DNER: variants seen among roughly 807,000 people sequenced by gnomAD.
DNER encodes the protein delta/notch like EGF repeat containing.
DNER carries 33 observed loss-of-function variants against 78.2 expected under a neutral mutation model. That is an observed-to-expected ratio of 0.42 (90% confidence interval 0.32 to 0.56). The LOEUF (loss-of-function observed/expected upper bound fraction) is 0.56, where lower values mean the gene tolerates loss of function less well. Ranked by LOEUF, DNER falls within the 20% of genes least tolerant of loss-of-function variation. DNER has a pLI of 0.11. For synonymous variants in DNER, 417 were observed against 384.8 expected (o/e 1.08, Z -0.98); for missense variants, 918 against 975.3 (o/e 0.94, Z 0.78).
chr2:229,383,393 A>G lies in DNER; in HGVS notation c.1855+4872T>C, dbSNP rs188799820. 6.1e-3 allele frequency among the ~76,000 whole-genome samples: 922 copies of G among 152,342 alleles called. 7 individuals carry two copies. The highest frequency in any genetic ancestry group is 0.051 in the Middle Eastern group (15 of 294). On this transcript the variant is annotated intron_variant, in intron 11 of 12. Transcript: ENST00000341772. ...AACCAGCTAGCATCATAATGACAGGAGCAAATTCAAACATAACAATACTAA... is the reference window on the plus strand; with the variant it reads ...AACCAGCTAGCATCATAATGACAGGGGCAAATTCAAACATAACAATACTAA...
Position 229,671,286 on chromosome 2 carries a change from C to T in DNER, c.276+42862G>A, listed in dbSNP as rs1699202330. ...AAGTCTACTAGGCGCCAGCCATACTCGGCTTTCCCTTGGACACCTGAATAT... is the reference window on the plus strand; with the variant it reads ...AAGTCTACTAGGCGCCAGCCATACTTGGCTTTCCCTTGGACACCTGAATAT... On this transcript the variant is annotated intron_variant, in intron 1 of 12. Transcript: ENST00000341772. Among the ~76,000 whole-genome samples, 3 of 152,192 alleles carry T rather than the reference C, an allele frequency of 2.0e-5. No homozygotes were observed. The South Asian group carries it at 6.2e-4, about 32-fold the overall frequency.
At chr2:229,563,384 C>G (rs1053995622) in intron 4 of DNER, among the ~76,000 whole-genome samples, 4 of 147,184 alleles carry the variant, frequency 2.7e-5, no homozygotes, top group Admixed American at 6.8e-5. Flanking sequence ...CATCCTCACC[C>G]CATCACCATC....
rs778391300 is a variant in DNER at position 229,367,064 on chromosome 2, G to A, written c.1911C>T (p.His637=). 6.2e-7 allele frequency: 1 copy of A among 1,614,150 alleles called. No individual in the cohort carries two copies. Among genetic ancestry groups the A allele is most frequent in the Non-Finnish European group, 8.5e-7 (1 of 1,180,014 alleles). Residue 637 remains histidine (H), a synonymous_variant, in exon 12 of 13, where the codon CAC becomes CAT. Transcript: ENST00000341772. The part of the protein sequence containing the change: ...MAESLTNMPR[H]SLYIIIGALC... ...GGGCTCCAATGATGATGTAGAGGGA[G>A]TGCCGTGGCATGTTGGTGAGGCTCT...
intron 5 of DNER, among the ~76,000 whole-genome samples, chr2:229,514,383 A>C (rs1395302723): frequency 1.3e-5 from 2 of 152,198 alleles, no homozygotes; most frequent in African/African-American, 4.8e-5. Flanking sequence ...TCTCAAGGTT[A>C]CATTGGCAGC....
chr2:229,622,782 T>C (rs915091346), intron 1 of DNER, among the ~76,000 whole-genome samples: 1 of 152,016 alleles, frequency 6.6e-6, no homozygotes, highest in Non-Finnish European at 1.5e-5. Flanking sequence ...AAGGGAGTGA[T>C]CCATCCATGA....
chr2:229,656,697 C>A (rs1293010125), intron 1 of DNER, among the ~76,000 whole-genome samples: 3 of 152,208 alleles, frequency 2.0e-5, no homozygotes, highest in Non-Finnish European at 4.4e-5. Flanking sequence ...CACTCTCACA[C>A]CTAGACACTT....
At chr2:229,458,536 A>T (rs1457948177) in intron 7 of DNER, among the ~76,000 whole-genome samples, 15 of 152,042 alleles carry the variant, frequency 9.9e-5, no homozygotes, top group Admixed American at 9.8e-4. Flanking sequence ...ATACAGAAAA[A>T]TTATTTGGCA....
chr2:229,556,074 ATTAGTT>A (rs1190319695), intron 4 of DNER, among the ~76,000 whole-genome samples: 5 of 152,242 alleles, frequency 3.3e-5, no homozygotes, highest in African/African-American at 4.8e-5. Context: ...TCTTCCAATG[ATTAGTT>A]TTAAAGTCCT....
chr2:229,655,269 T>C (rs980148860), intron 1 of DNER, among the ~76,000 whole-genome samples: 2 of 151,828 alleles, frequency 1.3e-5, no homozygotes, highest in African/African-American at 2.4e-5. Flanking sequence ...ACAAAAATAA[T>C]TTTTAAGTTA....
At chr2:229,493,152 T>C (rs1306874512) in intron 6 of DNER, among the ~76,000 whole-genome samples, 1 of 152,020 alleles carries the variant, frequency 6.6e-6, no homozygotes, top group Non-Finnish European at 1.5e-5. Flanking sequence ...AAAGAGTAAA[T>C]GTGGGAAGGG....
chr2:229,372,279 C>T (rs562092223), intron 11 of DNER, among the ~76,000 whole-genome samples: 21 of 152,380 alleles, frequency 1.4e-4, no homozygotes, highest in African/African-American at 4.8e-4. Flanking sequence ...GCTATGTCTA[C>T]AAGGGACGAG....
At chr2:229,419,491 A>G (rs1169308865) in intron 8 of DNER, among the ~76,000 whole-genome samples, 1 of 152,218 alleles carries the variant, frequency 6.6e-6, no homozygotes, top group Non-Finnish European at 1.5e-5. Flanking sequence ...GCTCACAACC[A>G]ACTCTCAAAC....
At chr2:229,655,912 A>T (rs975101705) in intron 1 of DNER, among the ~76,000 whole-genome samples, 1 of 152,130 alleles carries the variant, frequency 6.6e-6, no homozygotes, top group Non-Finnish European at 1.5e-5. Context: ...AGATGAAGGC[A>T]GGCATTCACG....
intron 3 of DNER, among the ~76,000 whole-genome samples, chr2:229,586,313 C>T (rs114377156): frequency 0.016 from 2,381 of 151,788 alleles, 67 homozygotes; most frequent in African/African-American, 0.055. Context: ...CATAGCCACA[C>T]AATATAAAAA....
intron 10 of DNER, among the ~76,000 whole-genome samples, chr2:229,399,588 GA>G (rs1159746593): frequency 6.6e-6 from 1 of 151,170 alleles, no homozygotes; most frequent in African/African-American, 2.4e-5. Context: ...AACAGTTTTG[GA>G]AAAAAAATAA....
intron 1 of DNER, among the ~76,000 whole-genome samples, chr2:229,650,548 T>C (rs1444251166): frequency 1.3e-5 from 2 of 152,190 alleles, no homozygotes; most frequent in Non-Finnish European, 2.9e-5. Context: ...ATACCAAATT[T>C]TCACTTGCAT....
At chr2:229,702,856 G>T (rs1000360269) in intron 1 of DNER, among the ~76,000 whole-genome samples, 2 of 145,978 alleles carry the variant, frequency 1.4e-5, no homozygotes, top group African/African-American at 5.1e-5. Context: ...GGTAGAGCTT[G>T]CAGTGAGCTG....
intron 5 of DNER, among the ~76,000 whole-genome samples, chr2:229,538,373 A>G (rs1394331093): frequency 6.6e-6 from 1 of 152,058 alleles, no homozygotes; most frequent in Non-Finnish European, 1.5e-5. Context: ...AAATGTATAT[A>G]TATTTTTTGA....
At chr2:229,711,662 T>G (rs529284875) in intron 1 of DNER, among the ~76,000 whole-genome samples, 1 of 152,354 alleles carries the variant, frequency 6.6e-6, no homozygotes, top group Admixed American at 6.5e-5. Context: ...TTGCTAACAC[T>G]ATTGTCTTTG....
Sources: gnomAD v4.1 joint callset for allele counts (sites outside exome capture counted in the v4.1 genomes callset) on GRCh38, gnomAD v4.1.1 for gene constraint, MANE v1.5 for transcripts, NCBI Gene and HGNC (gene_info 2026-07-23, HGNC 2026-07-21) for gene names.